The following SPACA6 variants were observed in gnomAD, a reference collection of about 807,000 sequenced individuals.
SPACA6 encodes sperm acrosome membrane-associated protein 6.
For synonymous variants in SPACA6, 6 were observed against 1.5 expected (o/e 4.05, Z -2.21); for missense variants, 8 against 2.8 (o/e 2.88, Z -1.34).
At chr19:51,696,700 C>T (rs1407945877) in intron 2 of SPACA6, among the ~76,000 whole-genome samples, 2 of 152,132 alleles carry the variant, frequency 1.3e-5, no homozygotes, top group African/African-American at 4.8e-5. Flanking sequence ...CTTCCCACCT[C>T]AGCCTCCCAA....
In SPACA6 at chr19:51,704,001, T is replaced by C. The variant is rs73934286; in HGVS notation, c.574-29T>C. On this transcript the variant is annotated intron_variant, in intron 6 of 8. Coordinates refer to ENST00000637797, the MANE Select transcript of SPACA6 (RefSeq NM_001316972.2). ...AGGTTACTCAGTGGCAAGCCGGAGTTGAGGCGTTTAAACCCGCGTGTCCCG... is the reference window on the plus strand; with the variant it reads ...AGGTTACTCAGTGGCAAGCCGGAGTCGAGGCGTTTAAACCCGCGTGTCCCG... 3.2e-3 allele frequency: 1,270 copies of C among 400,562 alleles called. 10 individuals carry two copies. The highest frequency in any genetic ancestry group is 0.024 in the African/African-American group (1,143 of 48,636). 24.8% of individuals were successfully genotyped at this position (400,562 alleles called of 1,614,324 possible). A position where few individuals can be genotyped will look rare whatever the true frequency, so the allele number is the denominator to read the frequency against.
chr19:51,683,949 T>A, the SPACA6 span, among the ~76,000 whole-genome samples: 1 of 152,190 alleles, frequency 6.6e-6, no homozygotes, highest in Non-Finnish European at 1.5e-5. Flanking sequence ...ACTAAAACAA[T>A]ATATATGTGT....
chr19:51,710,511 C>T (rs922924816), intron 2 of SPACA6, among the ~76,000 whole-genome samples: 4 of 151,958 alleles, frequency 2.6e-5, no homozygotes, highest in East Asian at 1.9e-4. Context: ...GGGAGGAAGG[C>T]GAGAAGATAT....
chr19:51,687,663 G>A (rs1191137479), upstream of SPACA6: 3 of 152,106 alleles, frequency 2.0e-5, no homozygotes, highest in Admixed American at 6.6e-5. Flanking sequence ...AGGATAGGGA[G>A]GGAGGGAGAT....
intron 2 of SPACA6, among the ~76,000 whole-genome samples, chr19:51,695,675 AG>A (rs2083424744): frequency 6.6e-6 from 1 of 152,220 alleles, no homozygotes; most frequent in Non-Finnish European, 1.5e-5. Context: ...CTCCCCACAT[AG>A]GCTGCCTTGT....
At chr19:51,700,598 C>G (rs1030890957) in intron 2 of SPACA6, among the ~76,000 whole-genome samples, 1 of 152,194 alleles carries the variant, frequency 6.6e-6, no homozygotes, top group Non-Finnish European at 1.5e-5. Context: ...GTCTCCAGTT[C>G]AAGTTGGATC....
chr19:51,693,905 CA>C, intron 1 of SPACA6, 165 bp downstream of exon 1: 1 of 394,086 alleles, frequency 2.5e-6, no homozygotes, highest in Non-Finnish European at 4.5e-6. Flanking sequence ...GAGACACAGA[CA>C]GGGGAAGACA....
At chr19:51,701,942 C>A (rs530309137) in intron 3 of SPACA6, among the ~76,000 whole-genome samples, 1 of 152,294 alleles carries the variant, frequency 6.6e-6, no homozygotes, top group African/African-American at 2.4e-5. Context: ...CGTGGTAACG[C>A]ATGCTTGTAA....
chr19:51,707,030 A>G (rs1405395093), downstream of SPACA6, among the ~76,000 whole-genome samples: 1 of 152,164 alleles, frequency 6.6e-6, no homozygotes, highest in Non-Finnish European at 1.5e-5. Flanking sequence ...GCATGTACTC[A>G]TTCTTGTTCA....
At chr19:51,698,911 TC>T (rs1254293423) in intron 2 of SPACA6, among the ~76,000 whole-genome samples, 2 of 152,214 alleles carry the variant, frequency 1.3e-5, no homozygotes, top group Non-Finnish European at 2.9e-5. Context: ...GTAGCCCTTG[TC>T]CTCATGGTCC....
At chr19:51,710,001 C>T (rs777507583), downstream of SPACA6, among the ~76,000 whole-genome samples, 5 of 152,036 alleles carry the variant, frequency 3.3e-5, no homozygotes, top group Non-Finnish European at 7.4e-5. Context: ...CACGTGTGGC[C>T]GTGAAGCATG....
Position 51,703,789 on chromosome 19 carries a change from C to A in SPACA6, c.574-241C>A, listed in dbSNP as rs1016174794. On this transcript the variant is annotated intron_variant, in intron 6 of 8. Transcript: ENST00000637797. This position sits in a 1 kb window ranked among gnomAD's most constrained non-coding sequence, Gnocchi z 4.2. Reference sequence around the variant, plus strand: ...CTGCAGCCTGGGCGCCAGAACGAGACCCTGTCTGGAAGAAAAAAAAAATAC... The same window carrying A: ...CTGCAGCCTGGGCGCCAGAACGAGAACCTGTCTGGAAGAAAAAAAAAATAC... Among the ~76,000 whole-genome samples, 1 of 151,326 alleles carries A rather than the reference C, an allele frequency of 6.6e-6. No homozygotes were observed. The highest frequency in any genetic ancestry group is 1.5e-5 in the Non-Finnish European group (1 of 67,928).
chr19:51,710,415 G>A (rs60709028), intron 2 of SPACA6, among the ~76,000 whole-genome samples: 34 of 152,188 alleles, frequency 2.2e-4, no homozygotes, highest in African/African-American at 7.7e-4. Context: ...TACAGCTCTA[G>A]CATTTTTTGG....
intron 1 of SPACA6, chr19:51,694,073 ACT>A (rs2083403197): frequency 2.2e-5 from 5 of 223,940 alleles, no homozygotes; most frequent in Non-Finnish European, 3.8e-5. Flanking sequence ...GAGGATGGAC[ACT>A]CGGGAGGATG....
chr19:51,684,757 T>C (rs959058285), upstream of SPACA6, among the ~76,000 whole-genome samples: 1 of 152,214 alleles, frequency 6.6e-6, no homozygotes, highest in Non-Finnish European at 1.5e-5. Flanking sequence ...TTTAAGAAAG[T>C]TTATGAATGT....
upstream of SPACA6, among the ~76,000 whole-genome samples, chr19:51,691,977 G>T (rs896382934): frequency 6.6e-6 from 1 of 152,162 alleles, no homozygotes; most frequent in African/African-American, 2.4e-5. Flanking sequence ...AGGGCACCTC[G>T]CTCTCTGGAG....
rs148941715 is a variant in SPACA6 at position 51,697,903 on chromosome 19, G to A, written c.292+3348G>A. On this transcript the variant is annotated intron_variant, in intron 2 of 8. Coordinates refer to ENST00000637797, the MANE Select transcript of SPACA6 (RefSeq NM_001316972.2). The stretch of plus-strand genomic sequence containing the variant: ...ACTTCTCTAATCTCCCCATGCCTCC[G>A]TTTCCCCACCTCAAACTTGGAGATG... Among the ~76,000 whole-genome samples, 17 of 152,226 alleles carry A rather than the reference G, an allele frequency of 1.1e-4. No homozygotes were observed. In the East Asian group the frequency reaches 2.5e-3, roughly 22 times the overall value.
chr19:51,698,291 A>C (rs76824966), intron 2 of SPACA6, among the ~76,000 whole-genome samples: 2 of 151,372 alleles, frequency 1.3e-5, no homozygotes, highest in African/African-American at 4.9e-5. Context: ...ACGATATGCA[A>C]CTCCTCTGGG....
chr19:51,694,672 A>G (rs2083412019), intron 2 of SPACA6, 117 bp downstream of exon 2: 2 of 397,970 alleles, frequency 5.0e-6, no homozygotes, highest in African/African-American at 2.1e-5. Flanking sequence ...GTGATCCGGG[A>G]GGGGAAAGCT....
Sources: gnomAD v4.1 joint callset for allele counts (sites outside exome capture counted in the v4.1 genomes callset) on GRCh38, gnomAD v4.1.1 for gene constraint, Gnocchi (gnomAD v3.1) non-coding constraint, MANE v1.5 for transcripts, NCBI Gene and HGNC (gene_info 2026-07-23, HGNC 2026-07-21) for gene names.